The following FUBP3 variants were observed in gnomAD, a reference collection of about 807,000 sequenced individuals.
FUBP3 encodes the protein far upstream element binding protein 3, also known as far upstream element-binding protein 3.
Under a neutral mutation model 85.6 loss-of-function variants are expected in FUBP3, and 28 were observed. That is an observed-to-expected ratio of 0.33 (90% CI 0.24 to 0.45). The LOEUF (loss-of-function observed/expected upper bound fraction) is 0.45. Ranked by LOEUF, FUBP3 falls within the 20% of genes least tolerant of loss-of-function variation. The pLI is 1.00. For synonymous variants in FUBP3, 271 were observed against 271.4 expected, an observed-to-expected ratio of 1.00 and a Z score of 0.01; for missense variants, 583 against 755.1, an observed-to-expected ratio of 0.77 and a Z score of 2.67.
chr9:130,583,890 A>G (rs1426044513), intron 1 of FUBP3, among the ~76,000 whole-genome samples: 1 of 152,078 alleles, frequency 6.6e-6, no homozygotes, highest in Non-Finnish European at 1.5e-5. Flanking sequence ...TAATGTGATA[A>G]TTTATCATAT....
At position 130,623,708 on chromosome 9, in the gene FUBP3, C is replaced by G. The variant is rs762572286; in HGVS notation, c.972C>G (p.Ala324=). ...AHIISELILT[A]QERDGFGGLA... is the part of the protein sequence containing the mutation. ...TCATCAGCGAGCTGATTCTTACAGC[C>G]CAGGTGGGTCCAGCTCTGCAGAGTG... is the stretch of plus-strand genomic sequence containing the variant. The change falls in exon 11 of 19, where the codon GCC becomes GCG. Residue 324 remains alanine (A), a synonymous_variant. Coordinates refer to ENST00000319725, the MANE Select transcript of FUBP3 (RefSeq NM_003934.2). The G allele has an allele frequency of 1.9e-6, 3 of 1,603,562 alleles. No homozygotes were observed. Among genetic ancestry groups the G allele is most frequent in the South Asian group, 2.2e-5 (2 of 90,822 alleles).
rs748914678 is a variant in FUBP3 at position 130,632,250 on chromosome 9, G to A, written c.1482G>A (p.Ala494=). Residue 494 remains alanine, a synonymous_variant, in exon 16 of 19, where the codon GCG becomes GCA. Transcript: ENST00000319725. Reference sequence around the variant, plus strand: ...AGGGCTGGGGCAGCACCTACCAGGCGTGGCAGCAGCCCACACAGCAGGTCC... The same window carrying A: ...AGGGCTGGGGCAGCACCTACCAGGCATGGCAGCAGCCCACACAGCAGGTCC... ...LTQGWGSTYQ[A]WQQPTQQVPS... The A allele has an allele frequency of 3.5e-5, 56 of 1,613,782 alleles. No individual in the cohort carries two copies. The South Asian group carries it at 5.2e-4, about 15-fold the overall frequency.
intron 1 of FUBP3, chr9:130,581,600 G>A (rs1034207001): frequency 5.9e-5 from 9 of 152,180 alleles, no homozygotes; most frequent in African/African-American, 1.9e-4. Context: ...GTATGCTGAT[G>A]GTAAACTTAC....
chr9:130,607,563 A>G (rs894333900), intron 2 of FUBP3, among the ~76,000 whole-genome samples: 6 of 152,260 alleles, frequency 3.9e-5, no homozygotes, highest in Admixed American at 3.3e-4. Flanking sequence ...TCAATTGAAT[A>G]TGATAGGTGT....
chr9:130,609,954 T>C lies in FUBP3; in HGVS notation c.191T>C (p.Val64Ala). ...GVQKRPLDDG[V>A]GNQLGALVHQ... ...TTTTTTCTCTTTCTCTTTGCCACAG[T>C]AGGTAACCAGTTAGGGGCCTTGGTA... Residue 64 changes from valine (V) to alanine (A), a missense_variant and splice_region_variant, in exon 3 of 19, where the codon GTA (valine) becomes GCA (alanine). By Grantham distance (64) the Val-to-Ala change is moderately conservative (BLOSUM62 0). Coordinates refer to ENST00000319725, the MANE Select transcript of FUBP3 (RefSeq NM_003934.2). 6.2e-7 allele frequency: 1 copy of C among 1,607,680 alleles called. No individual in the cohort carries two copies. The highest frequency in any genetic ancestry group is 8.5e-7 in the Non-Finnish European group (1 of 1,174,846).
chr9:130,628,175 G>A (rs1186678495), intron 12 of FUBP3, among the ~76,000 whole-genome samples: 1 of 152,046 alleles, frequency 6.6e-6, no homozygotes, highest in East Asian at 1.9e-4. Flanking sequence ...CCTTGAGATG[G>A]GCGCCTGGGC....
At position 130,605,252 on chromosome 9, in the gene FUBP3, C is replaced by T. The variant is rs190065269; in HGVS notation, c.191-4702C>T. ...GGCCCCCTCATCTGTTGCCTTCTGC[C>T]TTCCCTGCTAGACTGTAAGCTCCCT... On this transcript the variant is annotated intron_variant, in intron 2 of 18. Transcript: ENST00000319725. 5.9e-5 allele frequency among the ~76,000 whole-genome samples: 9 copies of T among 152,312 alleles called. No homozygotes were observed. In the East Asian group the frequency reaches 1.7e-3, roughly 29 times the overall value.
Position 130,638,348 on chromosome 9 carries a change from A to G in FUBP3, c.*1326A>G, listed in dbSNP as rs1830482443. On this transcript the variant is annotated 3_prime_UTR_variant, in exon 19 of 19. Coordinates refer to ENST00000319725, the MANE Select transcript of FUBP3 (RefSeq NM_003934.2). ...ATCTCCACAAGGCATCTTGTGGGCA[A>G]AGTCTTTCTGGCCTGTTTGCTTTCC... is the stretch of plus-strand genomic sequence containing the variant. 1.3e-5 allele frequency: 2 copies of G among 152,524 alleles called. No homozygotes were observed. The highest frequency in any genetic ancestry group is 4.8e-5 in the African/African-American group (2 of 41,424). The allele number at this position is 152,524 out of a possible 1,614,324, so 9.4% of individuals were successfully genotyped here.
intron 2 of FUBP3, among the ~76,000 whole-genome samples, chr9:130,602,586 G>A (rs888863232): frequency 9.9e-5 from 15 of 152,168 alleles, no homozygotes; most frequent in African/African-American, 3.4e-4. Flanking sequence ...TGGAAAGAGG[G>A]AAGTGAATCT....
Position 130,637,006 on chromosome 9 carries a change from G to A in FUBP3, c.1711-8G>A, listed in dbSNP as rs562267659. ...CACAGACTAATTCCTCTTCCCTTCC[G>A]CCCACAGGAGCAGTAGGACAGCGTC... is the stretch of plus-strand genomic sequence containing the variant. On this transcript the variant is annotated splice_region_variant and splice_polypyrimidine_tract_variant and intron_variant, in intron 18 of 18. Transcript: ENST00000319725. 31 of 1,612,136 alleles carry A rather than the reference G, an allele frequency of 1.9e-5. No homozygotes were observed. Among genetic ancestry groups the A allele is most frequent in the African/African-American group, 6.7e-5 (5 of 74,978 alleles).
At chr9:130,583,925 C>A (rs977565275) in intron 1 of FUBP3, among the ~76,000 whole-genome samples, 2 of 152,020 alleles carry the variant, frequency 1.3e-5, no homozygotes, top group Non-Finnish European at 2.9e-5. Flanking sequence ...GGGGTAGAGA[C>A]AGGGTCTCAC....
At chr9:130,589,716 T>A (rs1386833791) in intron 1 of FUBP3, among the ~76,000 whole-genome samples, 27 of 109,346 alleles carry the variant, frequency 2.5e-4, no homozygotes, top group Admixed American at 6.5e-4. Flanking sequence ...TTTTTTTTTT[T>A]TTTTTTTTTT....
rs1830480092 is a variant in FUBP3, at chr9:130,638,249, T to C, written c.*1227T>C. 6.6e-6 allele frequency: 1 copy of C among 152,648 alleles called. No homozygotes were observed. Among genetic ancestry groups the C allele is most frequent in the South Asian group, 2.1e-4 (1 of 4,832 alleles). The allele number at this position is 152,648 out of a possible 1,614,324, so 9.5% of individuals were successfully genotyped here. On this transcript the variant is annotated 3_prime_UTR_variant, in exon 19 of 19. Coordinates refer to ENST00000319725, the MANE Select transcript of FUBP3 (RefSeq NM_003934.2). ...TAAAAAAGACAATTGGAAAATGTTA[T>C]GCATGGGGTTTTTAAGAAAACAAAG...
intron 2 of FUBP3, among the ~76,000 whole-genome samples, chr9:130,607,453 C>T (rs1207329091): frequency 6.6e-6 from 1 of 152,138 alleles, no homozygotes; most frequent in East Asian, 1.9e-4. Flanking sequence ...CCTTTAGAAG[C>T]AAGAAGATGC....
intron 1 of FUBP3, among the ~76,000 whole-genome samples, 173 bp from the exon 2 acceptor site, chr9:130,595,309 CA>C (rs1830817350): frequency 6.6e-6 from 1 of 151,376 alleles, no homozygotes; most frequent in African/African-American, 2.4e-5. Flanking sequence ...TTATTAAGAC[CA>C]AAAGAAAACT....
chr9:130,589,558 G>C (rs1830490928), intron 1 of FUBP3, among the ~76,000 whole-genome samples: 1 of 150,550 alleles, frequency 6.6e-6, no homozygotes, highest in African/African-American at 2.4e-5. Flanking sequence ...TGGCCAGGCT[G>C]GTCTTGAACT....
intron 13 of FUBP3, 127 bp from the exon 14 acceptor site, chr9:130,631,430 G>T: frequency 8.0e-7 from 1 of 1,255,602 alleles, no homozygotes. Flanking sequence ...TAGTGTGAGT[G>T]CGTAGGTGTC....
At chr9:130,622,354 A>C (rs1311630643) in intron 9 of FUBP3, among the ~76,000 whole-genome samples, 4 of 144,014 alleles carry the variant, frequency 2.8e-5, no homozygotes, top group Non-Finnish European at 6.0e-5. Context: ...TGTCCTGGCC[A>C]GACACAGTGG....
chr9:130,630,770 C>T lies in FUBP3; in HGVS notation c.1260C>T (p.Leu420=). 2.0e-6 allele frequency: 3 copies of T among 1,514,530 alleles called. No homozygotes were observed. Among genetic ancestry groups the T allele is most frequent in the Non-Finnish European group, 1.8e-6 (2 of 1,133,430 alleles). 93.8% of individuals were successfully genotyped at this position (1,514,530 alleles called of 1,614,324 possible). A position where few individuals can be genotyped will look rare whatever the true frequency, so the allele number is the denominator to read the frequency against. The change falls in exon 13 of 19, where the codon CTC becomes CTT. Residue 420 remains leucine (L), a synonymous_variant. Transcript: ENST00000319725. ...VPQQIEVARQ[L]IDEKVGGTNL... ...AGCAGATCGAGGTGGCCAGGCAGCT[C>T]ATAGATGAGAAAGTTGGCGTACGTA... is the stretch of plus-strand genomic sequence containing the variant.
Sources: gnomAD v4.1 joint callset for allele counts (sites outside exome capture counted in the v4.1 genomes callset) on GRCh38, gnomAD v4.1.1 for gene constraint, MANE v1.5 for transcripts, NCBI Gene and HGNC (gene_info 2026-07-23, HGNC 2026-07-21) for gene names.